Variants in ZNF827 observed in about 807,000 individuals in gnomAD.
ZNF827 encodes the protein zinc finger protein 827.
Under a neutral mutation model 102.4 loss-of-function variants are expected in ZNF827, and 13 were observed. The ratio of observed to expected loss-of-function variants is 0.13; its 90% CI spans 0.08 to 0.20. The LOEUF is 0.20. ZNF827 is among the 10% of genes least tolerant of loss of function. ZNF827 has a pLI of 1.00. For missense variants in ZNF827, 1,103 were observed against 1,344.4 expected, an observed-to-expected ratio of 0.82 and a Z score of 2.81; for synonymous variants, 523 against 536.2, an observed-to-expected ratio of 0.98 and a Z score of 0.34.
At chr4:145,903,869 A>C (rs905211914) in intron 1 of ZNF827, among the ~76,000 whole-genome samples, 5 of 152,240 alleles carry the variant, frequency 3.3e-5, no homozygotes, top group Admixed American at 6.5e-5. Flanking sequence ...ATCAGATTTC[A>C]TTAGCAAACA....
intron 8 of ZNF827, among the ~76,000 whole-genome samples, chr4:145,811,880 T>C (rs774895892): frequency 7.2e-5 from 11 of 151,978 alleles, no homozygotes; most frequent in Non-Finnish European, 1.5e-4. Flanking sequence ...ATCTGTTAGC[T>C]CAGAGATGGG....
chr4:145,915,201 C>T (rs1752582182), intron 1 of ZNF827, among the ~76,000 whole-genome samples: 1 of 152,028 alleles, frequency 6.6e-6, no homozygotes, highest in Non-Finnish European at 1.5e-5. Flanking sequence ...TAATCTCAGC[C>T]CTTTGGGAGG....
chr4:145,917,905 A>C (rs1561078704), intron 1 of ZNF827, among the ~76,000 whole-genome samples: 1 of 152,186 alleles, frequency 6.6e-6, no homozygotes, highest in East Asian at 1.9e-4. Context: ...TAGCTGCAAC[A>C]TTCCCACATA....
intron 8 of ZNF827, among the ~76,000 whole-genome samples, chr4:145,788,046 T>C (rs1739144322): frequency 6.6e-6 from 1 of 152,232 alleles, no homozygotes; most frequent in Non-Finnish European, 1.5e-5. Flanking sequence ...CTAGTGACTC[T>C]GGGAGAGCAG....
chr4:145,761,706 G>T lies in ZNF827; in HGVS notation c.*18-108C>A. 1.5e-6 allele frequency: 1 copy of T among 673,364 alleles called. No individual in the cohort carries two copies. Among genetic ancestry groups the T allele is most frequent in the African/African-American group, 1.9e-5 (1 of 52,806 alleles). 41.7% of individuals were successfully genotyped at this position (673,364 alleles called of 1,614,324 possible). ...CTCACACCACCCCCCAGTGTCTGAGGCCTGGCCTGCCCAGCCCAGCCCAGC... is the reference window on the plus strand; with the variant it reads ...CTCACACCACCCCCCAGTGTCTGAGTCCTGGCCTGCCCAGCCCAGCCCAGC... On this transcript the variant is annotated intron_variant, in intron 14 of 14. Transcript: ENST00000508784. This position sits in a 1 kb window ranked among gnomAD's most constrained non-coding sequence, Gnocchi z 6.8.
intron 8 of ZNF827, among the ~76,000 whole-genome samples, chr4:145,814,041 C>T (rs1409282060): frequency 1.3e-5 from 2 of 152,110 alleles, no homozygotes; most frequent in East Asian, 3.9e-4. Context: ...GTTGAGCCTC[C>T]CAAATCCGGA....
Position 145,761,146 on chromosome 4 carries a change from T to C in ZNF827, c.*470A>G, listed in dbSNP as rs1405098723. ...CGGGGCCCCCGGGCCGGCCGGTTCCTTGGGGGCTGGACACAGGCCCTTCTT... is the reference window on the plus strand; with the variant it reads ...CGGGGCCCCCGGGCCGGCCGGTTCCCTGGGGGCTGGACACAGGCCCTTCTT... On this transcript the variant is annotated 3_prime_UTR_variant, in exon 15 of 15. Coordinates refer to ENST00000508784, the MANE Select transcript of ZNF827 (RefSeq NM_001306215.2). The surrounding 1 kb of genome is among the most constrained non-coding windows in gnomAD (Gnocchi z 6.8). 1.6e-6 allele frequency: 2 copies of C among 1,289,792 alleles called. No individual in the cohort carries two copies. The highest frequency in any genetic ancestry group is 2.0e-6 in the Non-Finnish European group (2 of 988,820). The allele number at this position is 1,289,792 out of a possible 1,614,324, so 79.9% of individuals were successfully genotyped here. A position where few individuals can be genotyped will look rare whatever the true frequency, so the allele number is the denominator to read the frequency against.
intron 2 of ZNF827, among the ~76,000 whole-genome samples, chr4:145,897,236 T>C (rs531907261): frequency 6.6e-6 from 1 of 151,890 alleles, no homozygotes; most frequent in East Asian, 1.9e-4. Context: ...TAAAAAAAAA[T>C]TTTTTTAAAT....
chr4:145,814,540 T>C (rs551816329), intron 8 of ZNF827, among the ~76,000 whole-genome samples: 1 of 152,186 alleles, frequency 6.6e-6, no homozygotes, highest in African/African-American at 2.4e-5. Context: ...GGTAACCTGT[T>C]TGGCTGCTTT....
intron 5 of ZNF827, among the ~76,000 whole-genome samples, chr4:145,853,431 G>A (rs1286795108): frequency 6.6e-6 from 1 of 152,062 alleles, no homozygotes; most frequent in African/African-American, 2.4e-5. Context: ...TCTATATATC[G>A]TTGCTGTTGG....
At chr4:145,858,002 C>G (rs955880249) in intron 5 of ZNF827, among the ~76,000 whole-genome samples, 3 of 152,146 alleles carry the variant, frequency 2.0e-5, no homozygotes. Context: ...TCTGATCTAA[C>G]CTTAAAGCTA....
At chr4:145,776,469 GAA>G (rs200038790) in intron 9 of ZNF827, among the ~76,000 whole-genome samples, 85 of 129,942 alleles carry the variant, frequency 6.5e-4, no homozygotes, top group African/African-American at 1.9e-3. Context: ...TCAAAAAAAA[GAA>G]AAAAAAAAAA....
Position 145,892,411 on chromosome 4 carries a change from T to C in ZNF827, c.1098A>G (p.Ser366=). ...GRVSKPSNSA[S]EEESGKPFQC... ...GGAAAGGCTTTCCACTTTCCTCTTC[T>C]GAGGCTTGGAAGAAGGAGAAAGAAA... is the stretch of plus-strand genomic sequence containing the variant. The change falls in exon 3 of 15, where the codon TCA becomes TCG. Residue 366 remains serine (S), a synonymous_variant. Coordinates refer to ENST00000508784, the MANE Select transcript of ZNF827 (RefSeq NM_001306215.2). The C allele has an allele frequency of 6.2e-7, 1 of 1,611,878 alleles. No homozygotes were observed. The highest frequency in any genetic ancestry group is 8.5e-7 in the Non-Finnish European group (1 of 1,178,754).
chr4:145,918,332 CAAAAAAAAAAAAA>C (rs34428145), intron 1 of ZNF827, among the ~76,000 whole-genome samples: 3 of 22,128 alleles, frequency 1.4e-4, no homozygotes, highest in Admixed American at 7.1e-4. Flanking sequence ...TAGCTCAAGG[CAAAAAAAAAAAAA>C]AAAAAAAAAA....
At chr4:145,918,400 C>A (rs1752831345) in intron 1 of ZNF827, among the ~76,000 whole-genome samples, 2 of 121,158 alleles carry the variant, frequency 1.7e-5, no homozygotes, top group African/African-American at 3.2e-5. Context: ...AGAACAGGTA[C>A]TTTTTCTTTA....
intron 2 of ZNF827, among the ~76,000 whole-genome samples, chr4:145,894,464 T>A (rs1281359046): frequency 6.6e-6 from 1 of 152,184 alleles, no homozygotes; most frequent in Non-Finnish European, 1.5e-5. Flanking sequence ...AAGAGTATAC[T>A]TTAAAATAAT....
chr4:145,914,771 T>C (rs1752554753), intron 1 of ZNF827, among the ~76,000 whole-genome samples: 1 of 152,254 alleles, frequency 6.6e-6, no homozygotes, highest in Non-Finnish European at 1.5e-5. Flanking sequence ...TGAAGAATCC[T>C]GAAGGTGTAC....
At chr4:145,887,127 G>A (rs1033163362) in intron 3 of ZNF827, among the ~76,000 whole-genome samples, 4 of 152,232 alleles carry the variant, frequency 2.6e-5, no homozygotes, top group African/African-American at 4.8e-5. Flanking sequence ...CAATTGTGTA[G>A]ATGTGGGCCA....
intron 1 of ZNF827, among the ~76,000 whole-genome samples, chr4:145,921,325 A>C (rs1231258724): frequency 6.6e-6 from 1 of 152,194 alleles, no homozygotes; most frequent in East Asian, 1.9e-4. Context: ...CTAGAAGTCC[A>C]GACTTTATCC....
Sources: gnomAD v4.1 joint callset for allele counts (sites outside exome capture counted in the v4.1 genomes callset) on GRCh38, gnomAD v4.1.1 for gene constraint, Gnocchi (gnomAD v3.1) non-coding constraint, MANE v1.5 for transcripts, NCBI Gene and HGNC (gene_info 2026-07-23, HGNC 2026-07-21) for gene names.